PCDHGA3: variants seen among roughly 807,000 people sequenced by gnomAD.
PCDHGA3 encodes the protein protocadherin gamma subfamily A, 3, also known as protocadherin gamma-A3.
A neutral mutation model predicts 58.5 loss-of-function variants in PCDHGA3; 40 were observed. The ratio of observed to expected loss-of-function variants is 0.68; its 90% CI spans 0.53 to 0.89. The LOEUF is 0.89. Ranked by LOEUF, PCDHGA3 falls within the 40% of genes least tolerant of loss-of-function variation. PCDHGA3 has a pLI of 0.00. For missense variants in PCDHGA3, 1,223 were observed against 1,195.9 expected (o/e 1.02, Z -0.33); for synonymous variants, 530 against 525.7 (o/e 1.01, Z -0.11).
chr5:141,372,194 C>A, intron 1 of PCDHGA3: 1 of 1,613,570 alleles, frequency 6.2e-7, no homozygotes, highest in Non-Finnish European at 8.5e-7. Flanking sequence ...ACTCGGGATA[C>A]AACGCCTGGC....
chr5:141,356,761 G>A (rs778228688), intron 1 of PCDHGA3: 4 of 1,613,674 alleles, frequency 2.5e-6, no homozygotes, highest in East Asian at 2.2e-5. Context: ...TTGCTCCTTC[G>A]ACTATGAGCA....
At chr5:141,357,525 T>C (rs1015704388) in intron 1 of PCDHGA3, 22 of 1,614,088 alleles carry the variant, frequency 1.4e-5, no homozygotes, top group East Asian at 6.7e-5. Context: ...AACCCAGCTA[T>C]GCAGACACGC....
chr5:141,418,178 G>A, intron 1 of PCDHGA3: 1 of 1,614,080 alleles, frequency 6.2e-7, no homozygotes, highest in Non-Finnish European at 8.5e-7. Flanking sequence ...GTTGCAATTG[G>A]AAGCTGTGGT....
At chr5:141,392,864 C>T (rs1328545217) in intron 1 of PCDHGA3, 2 of 1,612,536 alleles carry the variant, frequency 1.2e-6, no homozygotes, top group Non-Finnish European at 1.7e-6. Context: ...TCCTGCTGTG[C>T]GCGCTGCTGG....
At chr5:141,399,279 C>T (rs370090713) in intron 1 of PCDHGA3, 76 of 1,613,576 alleles carry the variant, frequency 4.7e-5, no homozygotes, top group Non-Finnish European at 5.0e-5. Flanking sequence ...AATTACAAGG[C>T]GAAGTCCCTT....
At chr5:141,423,346 G>T in intron 1 of PCDHGA3, 1 of 1,614,214 alleles carries the variant, frequency 6.2e-7, no homozygotes, top group South Asian at 1.1e-5. Context: ...CATCTTCCTG[G>T]TCTTTGTCAT....
intron 1 of PCDHGA3, chr5:141,366,222 C>A: frequency 3.7e-6 from 6 of 1,613,804 alleles, no homozygotes; most frequent in Non-Finnish European, 5.1e-6. Context: ...ACAGCGCGAG[C>A]CCTGCTGGAC....
Position 141,486,266 on chromosome 5 carries a change from C to G in PCDHGA3, c.2425-8541C>G, listed in dbSNP as rs1311684194. On this transcript the variant is annotated intron_variant, in intron 1 of 3. Transcript: ENST00000253812. The surrounding 1 kb of genome is among the most constrained non-coding windows in gnomAD (Gnocchi z 5.0). Reference sequence around the variant, plus strand: ...TGGAACCCTCCCCGAGAGTGCAGAACCTGGCACTGTGGTGGCACTTATCAG... The same window carrying G: ...TGGAACCCTCCCCGAGAGTGCAGAAGCTGGCACTGTGGTGGCACTTATCAG... 1 of 1,614,098 alleles carries G rather than the reference C, an allele frequency of 6.2e-7. No individual in the cohort carries two copies.
At chr5:141,389,910 C>A in intron 1 of PCDHGA3, 3 of 1,614,080 alleles carry the variant, frequency 1.9e-6, no homozygotes, top group Non-Finnish European at 2.5e-6. Flanking sequence ...TATCACTGAC[C>A]GCCCCGACCC....
chr5:141,384,731 C>T, intron 1 of PCDHGA3: 1 of 1,614,086 alleles, frequency 6.2e-7, no homozygotes, highest in South Asian at 1.1e-5. Context: ...CTGCTTAAGG[C>T]CAGCGAGCCA....
intron 1 of PCDHGA3, among the ~76,000 whole-genome samples, chr5:141,433,573 C>T (rs1400327372): frequency 1.3e-5 from 2 of 152,046 alleles, no homozygotes; most frequent in Admixed American, 1.3e-4. Flanking sequence ...CGGTGGCTCA[C>T]GCCTGTAATC....
At chr5:141,453,451 T>C (rs1052905667) in intron 1 of PCDHGA3, among the ~76,000 whole-genome samples, 1 of 152,096 alleles carries the variant, frequency 6.6e-6, no homozygotes, top group Non-Finnish European at 1.5e-5. Flanking sequence ...TTTTTGAATA[T>C]GTAAAACATT....
chr5:141,431,867 A>C lies in PCDHGA3; in HGVS notation c.2425-62940A>C. On this transcript the variant is annotated intron_variant, in intron 1 of 3. Transcript: ENST00000253812. The surrounding 1 kb of genome is among the most constrained non-coding windows in gnomAD (Gnocchi z 4.8). ...CAGAGGGACATTAATTGCCCTTTTA[A>C]ATGTAAATGACCAAGATTCTGAGGA... 6.2e-7 allele frequency: 1 copy of C among 1,614,226 alleles called. No individual in the cohort carries two copies. Among genetic ancestry groups the C allele is most frequent in the Non-Finnish European group, 8.5e-7 (1 of 1,180,024 alleles).
Position 141,366,304 on chromosome 5 carries a change from C to T in PCDHGA3, c.2424+19847C>T, listed in dbSNP as rs373044204. On this transcript the variant is annotated intron_variant, in intron 1 of 3. Coordinates refer to ENST00000253812, the MANE Select transcript of PCDHGA3 (RefSeq NM_018916.4). The stretch of plus-strand genomic sequence containing the variant: ...GCCAGCCCCCTCTGTCAGCCACCTT[C>T]ACGGTCACCGTTGCCGTGGCCGACA... 4.3e-5 allele frequency: 70 copies of T among 1,613,786 alleles called. No individual in the cohort carries two copies. The African/African-American group carries it at 9.1e-4, about 21-fold the overall frequency.
intron 1 of PCDHGA3, chr5:141,412,334 T>C (rs371361193): frequency 2.0e-5 from 3 of 152,262 alleles, no homozygotes; most frequent in Admixed American, 1.3e-4. Flanking sequence ...GCAACTGTAA[T>C]ATATGTTCAT....
intron 1 of PCDHGA3, among the ~76,000 whole-genome samples, chr5:141,482,410 T>G (rs1054330181): frequency 2.3e-4 from 35 of 151,890 alleles, no homozygotes; most frequent in Non-Finnish European, 1.0e-4. Flanking sequence ...AATAACTATT[T>G]GTTGAACTAA....
chr5:141,418,477 C>G (rs2154547707), intron 1 of PCDHGA3: 1 of 1,614,016 alleles, frequency 6.2e-7, no homozygotes, highest in Non-Finnish European at 8.5e-7. Context: ...AAACGCAGAG[C>G]GCTCACCACT....
chr5:141,393,134 C>T (rs755308269), intron 1 of PCDHGA3: 2 of 1,613,390 alleles, frequency 1.2e-6, no homozygotes, highest in South Asian at 2.2e-5. Flanking sequence ...TAAATATTAA[C>T]ACCCTGGTTG....
At position 141,491,623 on chromosome 5, in the gene PCDHGA3, G is replaced by A. The variant is rs767724749; in HGVS notation, c.2425-3184G>A. The A allele has an allele frequency of 3.7e-6, 6 of 1,613,812 alleles. No homozygotes were observed. The highest frequency in any genetic ancestry group is 2.7e-5 in the African/African-American group (2 of 74,938). On this transcript the variant is annotated intron_variant, in intron 1 of 3. Transcript: ENST00000253812. This position sits in a 1 kb window ranked among gnomAD's most constrained non-coding sequence, Gnocchi z 6.9. ...CTTCACTTTTCTAAGACCCCTCAGC[G>A]TTCAGCAGCCCACAGCTCTGGCGCT...
Sources: gnomAD v4.1 joint callset for allele counts (sites outside exome capture counted in the v4.1 genomes callset) on GRCh38, gnomAD v4.1.1 for gene constraint, Gnocchi (gnomAD v3.1) non-coding constraint, MANE v1.5 for transcripts, NCBI Gene and HGNC (gene_info 2026-07-23, HGNC 2026-07-21) for gene names.